The following SUGT1 variants were observed in gnomAD, a reference collection of about 807,000 sequenced individuals.
SUGT1 encodes the protein protein SGT1 homolog.
In SUGT1, 15 loss-of-function variants were observed where a neutral mutation model predicts 56.1. The ratio of observed to expected loss-of-function variants is 0.27; its 90% CI spans 0.18 to 0.41. The LOEUF (loss-of-function observed/expected upper bound fraction) is 0.41. Ranked by LOEUF, SUGT1 falls within the 10% of genes least tolerant of loss-of-function variation. SUGT1 has a pLI of 1.00. For synonymous variants in SUGT1, 123 were observed against 128.6 expected (o/e 0.96, Z 0.30); for missense variants, 347 against 382.2 (o/e 0.91, Z 0.77).
At chr13:52,673,142 A>G (rs1015742668) in intron 10 of SUGT1, among the ~76,000 whole-genome samples, 4 of 152,250 alleles carry the variant, frequency 2.6e-5, no homozygotes, top group African/African-American at 9.6e-5. Context: ...TGCCCGAATC[A>G]TGAAGACTTA....
intron 3 of SUGT1, 123 bp downstream of exon 3, chr13:52,657,745 T>C: frequency 1.2e-6 from 1 of 824,290 alleles, no homozygotes; most frequent in Non-Finnish European, 1.9e-6. Context: ...GTAAAGTAGC[T>C]CAAATGTGAC....
chr13:52,658,129 A>T, intron 3 of SUGT1: 1 of 1,355,594 alleles, frequency 7.4e-7, no homozygotes, highest in African/African-American at 1.5e-5. Flanking sequence ...GTAAAATTAC[A>T]TAGAAAATGT....
intron 12 of SUGT1, among the ~76,000 whole-genome samples, chr13:52,682,155 C>G: frequency 6.6e-6 from 1 of 152,044 alleles, no homozygotes; most frequent in East Asian, 1.9e-4. Flanking sequence ...CAAAGACTCT[C>G]TCCTATTTAA....
chr13:52,671,568 G>GT (rs1162338004), intron 10 of SUGT1, among the ~76,000 whole-genome samples: 1 of 152,138 alleles, frequency 6.6e-6, no homozygotes, highest in African/African-American at 2.4e-5. Context: ...TTTATCCCTA[G>GT]TTTACAGGTA....
intron 11 of SUGT1, among the ~76,000 whole-genome samples, chr13:52,679,273 A>G (rs550344383): frequency 6.6e-6 from 1 of 152,308 alleles, no homozygotes; most frequent in East Asian, 1.9e-4. Context: ...CTGGGCCAGT[A>G]GCCTCTCTCG....
At chr13:52,679,822 C>T in intron 11 of SUGT1, 152 bp from the exon 12 acceptor site, 1 of 618,276 alleles carries the variant, frequency 1.6e-6, no homozygotes, top group South Asian at 3.6e-5. Flanking sequence ...TGTTATTGAC[C>T]TATATACCAG....
At position 52,690,471 on chromosome 13, in the gene SUGT1, T is replaced by C. The variant is rs1314890284; in HGVS notation, c.*2636T>C. On this transcript the variant is annotated 3_prime_UTR_variant, in exon 13 of 13. Transcript: ENST00000310528. ...GAATGTATGTATTTTTCCTCTTAAA[T>C]GTTTCCTTTCCCTTTTAAGGTTAGT... 6.6e-6 allele frequency: 1 copy of C among 152,206 alleles called. No individual in the cohort carries two copies. The highest frequency in any genetic ancestry group is 1.5e-5 in the Non-Finnish European group (1 of 68,030). 9.4% of individuals were successfully genotyped at this position (152,206 alleles called of 1,614,324 possible).
intron 12 of SUGT1, among the ~76,000 whole-genome samples, chr13:52,685,262 T>TC (rs1963537787): frequency 7.7e-6 from 1 of 130,492 alleles, no homozygotes; most frequent in Admixed American, 8.3e-5. Context: ...TCTTCTTTTT[T>TC]TTTTTTTTTT....
chr13:52,665,750 AT>A lies in SUGT1; in HGVS notation c.519+22del. ...GAAAAAGAGGTCAGTAGACTGAATC[AT>A]TTTTCAATGTTGATTACTATTATTT... On this transcript the variant is annotated intron_variant, in intron 9 of 12. Coordinates refer to ENST00000310528, the MANE Select transcript of SUGT1 (RefSeq NM_006704.5). The A allele has an allele frequency of 6.5e-7, 1 of 1,539,968 alleles. No individual in the cohort carries two copies.
At position 52,696,512 on chromosome 13, in the gene SUGT1, T is replaced by C. The variant is rs778894554; in HGVS notation, c.*8677T>C. ...ACATAGCGTAGTGCCTTTCACATAGTATGTACTCAAATATTGGAAGTTACT... is the reference window on the plus strand; with the variant it reads ...ACATAGCGTAGTGCCTTTCACATAGCATGTACTCAAATATTGGAAGTTACT... On this transcript the variant is annotated 3_prime_UTR_variant, in exon 13 of 13. Coordinates refer to ENST00000310528, the MANE Select transcript of SUGT1 (RefSeq NM_006704.5). 6.6e-6 allele frequency: 1 copy of C among 152,220 alleles called. No individual in the cohort carries two copies. Among genetic ancestry groups the C allele is most frequent in the Non-Finnish European group, 1.5e-5 (1 of 68,040 alleles). The allele number at this position is 152,220 out of a possible 1,614,324, so 9.4% of individuals were successfully genotyped here.
chr13:52,679,084 A>G (rs2138160722), intron 11 of SUGT1, among the ~76,000 whole-genome samples: 1 of 152,352 alleles, frequency 6.6e-6, no homozygotes, highest in South Asian at 2.1e-4. Flanking sequence ...TAATGTAGTT[A>G]CTAGGAAGTT....
chr13:52,674,990 A>G lies in SUGT1; in HGVS notation c.628-1240A>G, dbSNP rs9596667. On this transcript the variant is annotated intron_variant, in intron 10 of 12. Coordinates refer to ENST00000310528, the MANE Select transcript of SUGT1 (RefSeq NM_006704.5). ...ATTAACTTTTCATTTTAATAAGTGA[A>G]CTTAGTCTTCTCGGTAAGTAAGTGA... Among the ~76,000 whole-genome samples the G allele has an allele frequency of 8.5e-3, 1,295 of 152,092 alleles. 26 individuals carry two copies. The highest frequency in any genetic ancestry group is 0.03 in the African/African-American group (1,241 of 41,496).
At position 52,674,803 on chromosome 13, in the gene SUGT1, C is replaced by T. The variant is rs1963080137; in HGVS notation, c.628-1427C>T. 2.0e-5 allele frequency among the ~76,000 whole-genome samples: 3 copies of T among 152,018 alleles called. No individual in the cohort carries two copies. The South Asian group carries it at 6.2e-4, about 32-fold the overall frequency. ...TATAGTGCTTACTTTAATATTTGCA[C>T]TAAAAATGCTGATATTAGCCTGTTA... On this transcript the variant is annotated intron_variant, in intron 10 of 12. Coordinates refer to ENST00000310528, the MANE Select transcript of SUGT1 (RefSeq NM_006704.5).
rs1241363860 is a variant in SUGT1 at position 52,695,103 on chromosome 13, G to A, written c.*7268G>A. ...TTAATATGGGCTCACTGTCAGCTGG[G>A]AGTTCTCACAACTACCACTTTTTAC... On this transcript the variant is annotated 3_prime_UTR_variant, in exon 13 of 13. Coordinates refer to ENST00000310528, the MANE Select transcript of SUGT1 (RefSeq NM_006704.5). 2.0e-5 allele frequency: 3 copies of A among 152,160 alleles called. No individual in the cohort carries two copies. Among genetic ancestry groups the A allele is most frequent in the African/African-American group, 7.2e-5 (3 of 41,416 alleles). 9.4% of individuals were successfully genotyped at this position (152,160 alleles called of 1,614,324 possible). A position where few individuals can be genotyped will look rare whatever the true frequency, so the allele number is the denominator to read the frequency against.
chr13:52,658,415 A>G lies in SUGT1; in HGVS notation c.204A>G (p.Ala68=). ...TCTACACAGTTGCTGTTGCTGATGCAAAGAAGTCTCTAGAACTCAATCCAA... is the reference window on the plus strand; with the variant it reads ...TCTACACAGTTGCTGTTGCTGATGCGAAGAAGTCTCTAGAACTCAATCCAA... ...LGNYCVAVAD[A]KKSLELNPNN... Residue 68 remains alanine (A), a synonymous_variant, in exon 4 of 13, where the codon GCA becomes GCG. Coordinates refer to ENST00000310528, the MANE Select transcript of SUGT1 (RefSeq NM_006704.5). 6.2e-7 allele frequency: 1 copy of G among 1,613,080 alleles called. No homozygotes were observed. Among genetic ancestry groups the G allele is most frequent in the Non-Finnish European group, 8.5e-7 (1 of 1,179,694 alleles).
In SUGT1 at chr13:52,679,828, A is replaced by G. The variant is rs571929903; in HGVS notation, c.719-146A>G. The G allele has an allele frequency of 1.0e-5, 7 of 667,188 alleles. No individual in the cohort carries two copies. The South Asian group carries it at 2.3e-4, about 22-fold the overall frequency. 41.3% of individuals were successfully genotyped at this position (667,188 alleles called of 1,614,324 possible). ...TGTGAATTTTGTTATTGACCTATATACCAGAAAGACACTTATTGCATACCT... is the reference window on the plus strand; with the variant it reads ...TGTGAATTTTGTTATTGACCTATATGCCAGAAAGACACTTATTGCATACCT... On this transcript the variant is annotated intron_variant, in intron 11 of 12. Transcript: ENST00000310528.
chr13:52,684,775 A>C (rs1003496437), intron 12 of SUGT1, among the ~76,000 whole-genome samples: 3 of 151,442 alleles, frequency 2.0e-5, no homozygotes, highest in Admixed American at 6.6e-5. Flanking sequence ...CAGTCCTCCC[A>C]TGTTGACCTC....
chr13:52,675,214 A>T (rs546114596), intron 10 of SUGT1, among the ~76,000 whole-genome samples: 1 of 152,338 alleles, frequency 6.6e-6, no homozygotes, highest in East Asian at 1.9e-4. Context: ...TTACTTATTT[A>T]GAACTTCAGT....
chr13:52,700,098 G>T lies in SUGT1; in HGVS notation c.*12263G>T, dbSNP rs561223439. 7 of 152,098 alleles carry T rather than the reference G, an allele frequency of 4.6e-5. No homozygotes were observed. The highest frequency in any genetic ancestry group is 8.8e-5 in the Non-Finnish European group (6 of 68,010). 9.4% of individuals were successfully genotyped at this position (152,098 alleles called of 1,614,324 possible). On this transcript the variant is annotated 3_prime_UTR_variant, in exon 13 of 13. Transcript: ENST00000310528. ...CTAAATTCAGAGGGAATTTAGTGGG[G>T]CATATCTCTTAAATGGTTTTGAATA... is the stretch of plus-strand genomic sequence containing the variant.
Sources: gnomAD v4.1 joint callset for allele counts (sites outside exome capture counted in the v4.1 genomes callset) on GRCh38, gnomAD v4.1.1 for gene constraint, MANE v1.5 for transcripts, NCBI Gene and HGNC (gene_info 2026-07-23, HGNC 2026-07-21) for gene names.